GARNL3: variants seen among roughly 807,000 people sequenced by gnomAD.
The protein encoded by GARNL3 is GTPase-activating Rap/Ran-GAP domain-like protein 3.
GARNL3 carries 63 observed loss-of-function variants against 125.0 expected under a neutral mutation model. The ratio of observed to expected loss-of-function variants is 0.50; its 90% CI spans 0.41 to 0.62. The LOEUF is 0.62. Among genes scored for constraint, GARNL3 ranks in the 20% least tolerant of loss-of-function variants. The probability of loss-of-function intolerance (pLI) is 0.00; values close to 1 mark genes in which losing one functional copy is unlikely to be tolerated. For missense variants in GARNL3, 994 were observed against 1,244.0 expected (o/e 0.80, Z 3.02); for synonymous variants, 439 against 457.5 (o/e 0.96, Z 0.52).
rs937513998 is a variant in GARNL3 at position 127,232,269 on chromosome 9, T to G, written c.-29+7931T>G. ...TGTAATCACCATTGAACCCTTCTCC[T>G]TCAGCTACTGAAGCAGGAGTAGTAA... is the stretch of plus-strand genomic sequence containing the variant. On this transcript the variant is annotated intron_variant, in intron 1 of 10. Coordinates refer to the GARNL3 transcript ENST00000439286. 2.0e-5 allele frequency among the ~76,000 whole-genome samples: 3 copies of G among 152,188 alleles called. No individual in the cohort carries two copies. In the East Asian group the frequency reaches 5.8e-4, roughly 29 times the overall value.
At chr9:127,324,550 T>C (rs2065505526) in intron 6 of GARNL3, among the ~76,000 whole-genome samples, 1 of 152,244 alleles carries the variant, frequency 6.6e-6, no homozygotes, top group Admixed American at 6.5e-5. Context: ...GCCTTGGCTT[T>C]GGTGTCCGCT....
intron 1 of GARNL3, 134 bp downstream of exon 1, chr9:127,265,155 A>G (rs1001963554): frequency 1.8e-5 from 11 of 606,906 alleles, no homozygotes; most frequent in African/African-American, 1.7e-4. Flanking sequence ...ATTGGAATAA[A>G]TAACTATACA....
In GARNL3 at chr9:127,370,166, G is replaced by T. The variant is rs553239990; in HGVS notation, c.2161+4800G>T. 2.0e-5 allele frequency among the ~76,000 whole-genome samples: 3 copies of T among 152,318 alleles called. No individual in the cohort carries two copies. The South Asian group carries it at 6.2e-4, about 32-fold the overall frequency. On this transcript the variant is annotated intron_variant, in intron 22 of 27. Transcript: ENST00000373387. ...TCGCATCAAAGGAGTCCCTAAGCCC[G>T]ATGGGCCAGGACATTCCAAAAAGAT... is the stretch of plus-strand genomic sequence containing the variant.
intron 13 of GARNL3, among the ~76,000 whole-genome samples, chr9:127,341,656 C>T (rs181886362): frequency 2.0e-5 from 3 of 152,114 alleles, no homozygotes; most frequent in Admixed American, 6.5e-5. Context: ...AAGGAAGGGG[C>T]CGCTAAAGAC....
chr9:127,357,780 A>G (rs1239623238), intron 21 of GARNL3, among the ~76,000 whole-genome samples: 1 of 104,082 alleles, frequency 9.6e-6, no homozygotes, highest in Non-Finnish European at 2.1e-5. Flanking sequence ...TGTATTTAAA[A>G]TTAAAAAAAA....
intron 1 of GARNL3, among the ~76,000 whole-genome samples, chr9:127,282,737 A>G (rs950345604): frequency 1.2e-4 from 18 of 152,218 alleles, no homozygotes; most frequent in African/African-American, 4.3e-4. Flanking sequence ...TACACAGTGC[A>G]TGCTGAACAG....
At chr9:127,285,362 G>T (rs1022450670) in intron 1 of GARNL3, among the ~76,000 whole-genome samples, 1 of 152,204 alleles carries the variant, frequency 6.6e-6, no homozygotes, top group East Asian at 1.9e-4. Context: ...GGCAGAGGTT[G>T]CAGTGAGTTG....
chr9:127,376,260 T>C (rs1831901008), intron 22 of GARNL3, among the ~76,000 whole-genome samples: 1 of 150,312 alleles, frequency 6.7e-6, no homozygotes, highest in Non-Finnish European at 1.5e-5. Flanking sequence ...GCACCCAGCC[T>C]CTTAACATTT....
chr9:127,375,758 AG>A (rs1307707375), intron 22 of GARNL3, among the ~76,000 whole-genome samples: 1 of 152,192 alleles, frequency 6.6e-6, no homozygotes, highest in Non-Finnish European at 1.5e-5. Context: ...AGGTCAAAAA[AG>A]GCATTGCGAC....
At chr9:127,354,999 G>T (rs950891865) in intron 19 of GARNL3, among the ~76,000 whole-genome samples, 4 of 152,196 alleles carry the variant, frequency 2.6e-5, no homozygotes, top group Admixed American at 1.3e-4. Flanking sequence ...CCCCAAGTTG[G>T]CCAGGCTGGT....
intron 1 of GARNL3, among the ~76,000 whole-genome samples, chr9:127,281,113 GGGT>G (rs2064091555): frequency 6.6e-6 from 1 of 152,066 alleles, no homozygotes; most frequent in Admixed American, 6.5e-5. Context: ...CAGATATGTG[GGGT>G]GGTAAGTGCA....
chr9:127,363,927 C>T (rs1831145725), intron 21 of GARNL3: 1 of 152,234 alleles, frequency 6.6e-6, no homozygotes, highest in African/African-American at 2.4e-5. Context: ...CCTTGTCTCA[C>T]TGAATTCCCA....
At chr9:127,297,675 A>T (rs2779722) in intron 2 of GARNL3, among the ~76,000 whole-genome samples, 124,926 of 152,208 alleles carry the variant, frequency 0.82, 51,888 homozygotes, top group African/African-American at 0.94. Flanking sequence ...TTGATGGATA[A>T]ATTTGCTCCA....
At chr9:127,307,466 C>G (rs977618738) in intron 2 of GARNL3, among the ~76,000 whole-genome samples, 1 of 152,182 alleles carries the variant, frequency 6.6e-6, no homozygotes, top group Non-Finnish European at 1.5e-5. Flanking sequence ...AGTTTACTCT[C>G]TAGGCGAGAG....
chr9:127,368,052 G>T lies in GARNL3; in HGVS notation c.2161+2686G>T, dbSNP rs1032940774. 2.6e-4 allele frequency among the ~76,000 whole-genome samples: 21 copies of T among 80,704 alleles called. No individual in the cohort carries two copies. The Admixed American group carries it at 3.9e-3, about 15-fold the overall frequency. 52.9% of individuals were successfully genotyped at this position (80,704 alleles called of 152,430 possible). A position where few individuals can be genotyped will look rare whatever the true frequency, so the allele number is the denominator to read the frequency against. On this transcript the variant is annotated intron_variant, in intron 22 of 27. Coordinates refer to ENST00000373387, the MANE Select transcript of GARNL3 (RefSeq NM_032293.5). ...TTTTTTGAGGTGGAGTTTCGCTCTT[G>T]TTGCCTAGGCTGGAGTATGGTGGTG...
At chr9:127,374,923 A>AAC (rs1831812640) in intron 22 of GARNL3, among the ~76,000 whole-genome samples, 1 of 151,408 alleles carries the variant, frequency 6.6e-6, no homozygotes, top group African/African-American at 2.4e-5. Flanking sequence ...AAAAAAAAAA[A>AAC]AACAACAAAG....
At chr9:127,240,985 T>G (rs1241271209) in intron 1 of GARNL3, among the ~76,000 whole-genome samples, 1 of 152,148 alleles carries the variant, frequency 6.6e-6, no homozygotes, top group East Asian at 1.9e-4. Context: ...GAAAAACTAT[T>G]AATGAGATGT....
At chr9:127,260,663 T>G (rs1175854205), upstream of GARNL3, among the ~76,000 whole-genome samples, 2 of 152,212 alleles carry the variant, frequency 1.3e-5, no homozygotes, top group African/African-American at 4.8e-5. Context: ...CCATAGACAG[T>G]TCATAACCAC....
chr9:127,367,725 A>G (rs558066417), intron 22 of GARNL3, among the ~76,000 whole-genome samples: 1 of 152,192 alleles, frequency 6.6e-6, no homozygotes, highest in Non-Finnish European at 1.5e-5. Context: ...TTTGCTGATG[A>G]TGCTTTAAAG....
Sources: allele counts gnomAD v4.1 joint callset (sites outside exome capture counted in the v4.1 genomes callset), GRCh38; gene constraint gnomAD v4.1.1; transcripts MANE v1.5; gene names NCBI Gene and HGNC (gene_info 2026-07-23, HGNC 2026-07-21).